The following CDC42BPB variants were observed in gnomAD, a reference collection of about 807,000 sequenced individuals.
CDC42BPB encodes the protein CDC42 binding protein kinase beta, also known as serine/threonine-protein kinase MRCK beta.
CDC42BPB carries 37 observed loss-of-function variants against 214.9 expected under a neutral mutation model. That is an observed-to-expected ratio of 0.17 (90% confidence interval 0.13 to 0.23). The LOEUF (loss-of-function observed/expected upper bound fraction) is 0.23. Ranked by LOEUF, CDC42BPB falls within the 10% of genes least tolerant of loss-of-function variation. The pLI, the probability that CDC42BPB is intolerant of heterozygous loss-of-function variation, is 1.00. For missense variants in CDC42BPB, 1,694 were observed against 2,227.0 expected (o/e 0.76, Z 4.82); for synonymous variants, 931 against 884.0 (o/e 1.05, Z -0.94).
intron 11 of CDC42BPB, 152 bp downstream of exon 11, chr14:102,975,532 C>G (rs1893698260): frequency 1.2e-6 from 1 of 811,894 alleles, no homozygotes; most frequent in Non-Finnish European, 1.9e-6. Context: ...TAAAAAAAAA[C>G]AACTGACCAA....
chr14:102,974,894 C>A (rs1038396667), intron 11 of CDC42BPB, among the ~76,000 whole-genome samples: 2 of 151,848 alleles, frequency 1.3e-5, no homozygotes, highest in African/African-American at 4.8e-5. Context: ...TGCAGTGAGC[C>A]GAGATCATGC....
chr14:103,008,346 G>A (rs949467246), intron 3 of CDC42BPB, 126 bp downstream of exon 3: 12 of 666,846 alleles, frequency 1.8e-5, no homozygotes, highest in East Asian at 7.8e-5. Context: ...GAGAGTGCTC[G>A]CTCTGTCCGG....
intron 34 of CDC42BPB, 21 bp from the exon 35 acceptor site, chr14:102,938,432 G>A (rs1177535558): frequency 4.6e-6 from 7 of 1,518,022 alleles, no homozygotes; most frequent in South Asian, 1.3e-5. Flanking sequence ...ATAGCAACAC[G>A]TGAGCATGCT....
intron 1 of CDC42BPB, among the ~76,000 whole-genome samples, chr14:103,053,544 G>T (rs555324965): frequency 1.6e-4 from 25 of 151,724 alleles, no homozygotes; most frequent in Admixed American, 9.9e-4. Context: ...GGCAGATCAC[G>T]AGGTCTGGAG....
chr14:102,968,931 T>A, intron 14 of CDC42BPB: 1 of 974,530 alleles, frequency 1.0e-6, no homozygotes, highest in Non-Finnish European at 1.2e-6. Context: ...TGCCCAGGTC[T>A]GCCTGGGACC....
At chr14:103,039,292 C>CAAAAAA (rs202028122) in intron 1 of CDC42BPB, among the ~76,000 whole-genome samples, 93 of 70,362 alleles carry the variant, frequency 1.3e-3, no homozygotes, top group Middle Eastern at 0.02. Flanking sequence ...GATACCAAAC[C>CAAAAAA]AAAAAAAAAA....
rs533806854 is a variant in CDC42BPB, at chr14:102,968,381, G to A, written c.2241-23C>T. On this transcript the variant is annotated intron_variant, in intron 15 of 36. Transcript: ENST00000361246. ...TGCCTGCCAAGGTGAGCGAGAAACA[G>A]TTTTAAAAGCTCGTAACTTCACTGA... 3.1e-6 allele frequency: 5 copies of A among 1,613,294 alleles called. No individual in the cohort carries two copies. In the South Asian group the frequency reaches 5.5e-5, roughly 18 times the overall value.
At position 102,933,800 on chromosome 14, in the gene CDC42BPB, GAGC is replaced by G; in HGVS notation, c.5045_5047del (p.Ser1682_Ser1683delinsThr). Reference sequence around the variant, plus strand: ...GGGGCTCGGTGGGCCGCTGGGGTTGGAGCTATTCGATGGAGTTGAGTGTTTGGT... The same window carrying G: ...GGGGCTCGGTGGGCCGCTGGGGTTGGTATTCGATGGAGTTGAGTGTTTGGT... On this transcript the variant is annotated inframe_deletion, in exon 37 of 37. Coordinates refer to ENST00000361246, the MANE Select transcript of CDC42BPB (RefSeq NM_006035.4). The G allele has an allele frequency of 6.6e-7, 1 of 1,514,192 alleles. No individual in the cohort carries two copies. Among genetic ancestry groups the G allele is most frequent in the Non-Finnish European group, 8.8e-7 (1 of 1,141,224 alleles). 93.8% of individuals were successfully genotyped at this position (1,514,192 alleles called of 1,614,324 possible). A position where few individuals can be genotyped will look rare whatever the true frequency, so the allele number is the denominator to read the frequency against.
chr14:103,056,762 G>A (rs34765177), intron 1 of CDC42BPB, among the ~76,000 whole-genome samples: 60 of 152,092 alleles, frequency 3.9e-4, no homozygotes, highest in Non-Finnish European at 8.1e-4. Context: ...GTCGAGCCTA[G>A]GGAGGGCAAG....
chr14:102,962,965 C>T, intron 20 of CDC42BPB, 96 bp downstream of exon 20: 1 of 614,514 alleles, frequency 1.6e-6, no homozygotes, highest in South Asian at 2.2e-5. Flanking sequence ...TCTGTAGGTG[C>T]TTCTAAAGTA....
chr14:103,026,348 G>A (rs750539062), intron 1 of CDC42BPB, among the ~76,000 whole-genome samples: 5 of 152,018 alleles, frequency 3.3e-5, no homozygotes, highest in Non-Finnish European at 5.9e-5. Context: ...CCGAGATCAC[G>A]CCATTGCATT....
At chr14:102,988,870 C>A (rs1370959397) in intron 5 of CDC42BPB, among the ~76,000 whole-genome samples, 1 of 113,984 alleles carries the variant, frequency 8.8e-6, no homozygotes. Context: ...ACCCCCCCTT[C>A]CAAAAAAAAA....
chr14:103,018,480 C>T (rs1886589946), intron 1 of CDC42BPB, among the ~76,000 whole-genome samples: 1 of 152,156 alleles, frequency 6.6e-6, no homozygotes, highest in South Asian at 2.1e-4. Flanking sequence ...ACAATGGTGG[C>T]TTAGAAATGA....
chr14:102,940,812 C>T (rs1891857703), intron 30 of CDC42BPB: 1 of 218,782 alleles, frequency 4.6e-6, no homozygotes. Flanking sequence ...CCTGTCTGCC[C>T]TCCACACTAA....
At chr14:103,048,773 C>T (rs1379413034) in intron 1 of CDC42BPB, among the ~76,000 whole-genome samples, 1 of 147,270 alleles carries the variant, frequency 6.8e-6, no homozygotes, top group East Asian at 2.0e-4. Context: ...ACTCGGGAGA[C>T]TGAGGCAGGA....
chr14:102,963,383 G>T, intron 19 of CDC42BPB: 1 of 645,560 alleles, frequency 1.5e-6, no homozygotes, highest in Non-Finnish European at 1.9e-6. Context: ...AGGAAGGCGT[G>T]TCTCATGAAG....
intron 1 of CDC42BPB, among the ~76,000 whole-genome samples, chr14:103,052,327 T>C (rs796447781): frequency 3.9e-5 from 6 of 152,378 alleles, no homozygotes; most frequent in African/African-American, 1.4e-4. Context: ...ATCTATTTCT[T>C]AAGTCTGTTA....
At chr14:102,950,393 G>A (rs1892432153) in intron 25 of CDC42BPB, 73 bp downstream of exon 25, 2 of 1,572,856 alleles carry the variant, frequency 1.3e-6, no homozygotes, top group Non-Finnish European at 8.7e-7. Flanking sequence ...GCTTTCAAGA[G>A]TGGCTGGGCA....
chr14:103,050,196 A>C (rs1888524304), intron 1 of CDC42BPB, among the ~76,000 whole-genome samples: 1 of 152,212 alleles, frequency 6.6e-6, no homozygotes, highest in African/African-American at 2.4e-5. Context: ...TTAAAACTTC[A>C]AGTGGGAAAG....
Sources: allele counts gnomAD v4.1 joint callset (sites outside exome capture counted in the v4.1 genomes callset), GRCh38; gene constraint gnomAD v4.1.1; transcripts MANE v1.5; gene names NCBI Gene and HGNC (gene_info 2026-07-23, HGNC 2026-07-21).